The following KLHL1 variants were observed in gnomAD, a reference collection of about 807,000 sequenced individuals.
The protein encoded by KLHL1 is kelch like family member 1.
A neutral mutation model predicts 77.7 loss-of-function variants in KLHL1; 47 were observed. That is an observed-to-expected ratio of 0.60 (90% confidence interval 0.48 to 0.77). The LOEUF (loss-of-function observed/expected upper bound fraction) is 0.77, where lower values mean the gene tolerates loss of function less well. KLHL1 is among the 30% of genes least tolerant of loss of function. The pLI, the probability that KLHL1 is intolerant of heterozygous loss-of-function variation, is 0.00. For synonymous variants in KLHL1, 360 were observed against 325.2 expected, an observed-to-expected ratio of 1.11 and a Z score of -1.15; for missense variants, 925 against 910.8, an observed-to-expected ratio of 1.02 and a Z score of -0.20.
chr13:69,910,487 A>G (rs900134288), intron 4 of KLHL1, among the ~76,000 whole-genome samples: 1 of 152,074 alleles, frequency 6.6e-6, no homozygotes, highest in African/African-American at 2.4e-5. Context: ...ACGGCCATCA[A>G]AATTATTTAT....
intron 1 of KLHL1, among the ~76,000 whole-genome samples, chr13:70,067,680 C>T (rs1887042429): frequency 6.6e-6 from 1 of 152,036 alleles, no homozygotes; most frequent in African/African-American, 2.4e-5. Context: ...CTTGATGTGG[C>T]TTTGAATTCC....
chr13:69,716,009 T>G (rs1344221091), intron 9 of KLHL1, among the ~76,000 whole-genome samples: 1 of 152,160 alleles, frequency 6.6e-6, no homozygotes, highest in Non-Finnish European at 1.5e-5. Context: ...TCTGCCAAGA[T>G]GAGGCAAATG....
chr13:70,032,944 G>A (rs1282872591), intron 1 of KLHL1, among the ~76,000 whole-genome samples: 1 of 152,028 alleles, frequency 6.6e-6, no homozygotes, highest in Non-Finnish European at 1.5e-5. Context: ...GTCAATTGCA[G>A]CTCTTAGTTT....
chr13:69,735,197 C>T (rs1388324082), intron 8 of KLHL1, among the ~76,000 whole-genome samples: 1 of 151,650 alleles, frequency 6.6e-6, no homozygotes, highest in Non-Finnish European at 1.5e-5. Flanking sequence ...ATAAAATTTC[C>T]ACTATGGAAG....
At chr13:69,709,808 T>C (rs1263148713) in intron 9 of KLHL1, among the ~76,000 whole-genome samples, 1 of 151,888 alleles carries the variant, frequency 6.6e-6, no homozygotes, top group East Asian at 1.9e-4. Flanking sequence ...TTGTGATCGT[T>C]GTTGAAGCAG....
At chr13:69,789,724 A>G (rs1482359226) in intron 7 of KLHL1, among the ~76,000 whole-genome samples, 1 of 152,164 alleles carries the variant, frequency 6.6e-6, no homozygotes, top group East Asian at 1.9e-4. Flanking sequence ...ATTGATGACA[A>G]TAAGTTGAGC....
intron 7 of KLHL1, among the ~76,000 whole-genome samples, chr13:69,782,859 C>T (rs973468382): frequency 3.3e-5 from 5 of 152,330 alleles, no homozygotes; most frequent in South Asian, 4.1e-4. Context: ...GAGCAGACTG[C>T]CTCCTCAAGT....
chr13:69,719,332 T>C, intron 9 of KLHL1, 37 bp downstream of exon 9: 4 of 1,574,862 alleles, frequency 2.5e-6, no homozygotes, highest in Non-Finnish European at 3.5e-6. Flanking sequence ...TGATTTGCAC[T>C]GTCTCTTTCG....
intron 6 of KLHL1, among the ~76,000 whole-genome samples, chr13:69,807,697 G>A (rs760970618): frequency 1.3e-5 from 2 of 152,166 alleles, no homozygotes; most frequent in Admixed American, 1.3e-4. Flanking sequence ...CTCTGGAATG[G>A]GGAGAAGGAC....
chr13:70,028,371 T>C (rs1886009823), intron 1 of KLHL1, among the ~76,000 whole-genome samples: 1 of 152,108 alleles, frequency 6.6e-6, no homozygotes, highest in Non-Finnish European at 1.5e-5. Flanking sequence ...AGGTATGTCT[T>C]GAAGTTAATT....
intron 6 of KLHL1, among the ~76,000 whole-genome samples, chr13:69,824,167 AATAC>A (rs1449827577): frequency 6.6e-6 from 1 of 152,080 alleles, no homozygotes; most frequent in East Asian, 1.9e-4. Context: ...ATTAAATAAA[AATAC>A]ATCCTATAAT....
intron 4 of KLHL1, among the ~76,000 whole-genome samples, chr13:69,902,499 G>A (rs1358101374): frequency 6.6e-6 from 1 of 152,090 alleles, no homozygotes; most frequent in Non-Finnish European, 1.5e-5. Flanking sequence ...AATAATTTTG[G>A]AGAACTACAG....
intron 6 of KLHL1, among the ~76,000 whole-genome samples, chr13:69,826,604 C>A (rs2138087988): frequency 6.7e-6 from 1 of 148,958 alleles, no homozygotes; most frequent in South Asian, 2.1e-4. Flanking sequence ...GAAAGAAATG[C>A]TGAGAGTAGA....
intron 1 of KLHL1, among the ~76,000 whole-genome samples, chr13:69,987,625 G>T (rs568861916): frequency 6.6e-6 from 1 of 151,830 alleles, no homozygotes; most frequent in African/African-American, 2.4e-5. Context: ...AGGAAAGAAG[G>T]ACTACTAAAG....
rs151067708 is a variant in KLHL1 at position 69,741,126 on chromosome 13, A to C, written c.1640-570T>G. Reference sequence around the variant, plus strand: ...ACTTATGTAAAGCTTAGAAAATATGACATCTTTCATATTATTAGCTAAAAT... The same window carrying C: ...ACTTATGTAAAGCTTAGAAAATATGCCATCTTTCATATTATTAGCTAAAAT... On this transcript the variant is annotated intron_variant, in intron 7 of 10. Transcript: ENST00000377844. Among the ~76,000 whole-genome samples, 821 of 152,290 alleles carry C rather than the reference A, an allele frequency of 5.4e-3. 7 individuals are homozygous for C. Among genetic ancestry groups the C allele is most frequent in the African/African-American group, 0.019 (781 of 41,572 alleles).
At position 69,796,936 on chromosome 13, in the gene KLHL1, GATC is replaced by G; in HGVS notation, c.1438_1440del (p.Asp480del). On this transcript the variant is annotated inframe_deletion, in exon 7 of 11. Transcript: ENST00000377844. ...GCCTGGATCCACAGATTTGTTCTCA[GATC>G]ATATTTCTCTATAGTTGTAGCTCCT... The G allele has an allele frequency of 6.2e-7, 1 of 1,614,032 alleles. No homozygotes were observed. Among genetic ancestry groups the G allele is most frequent in the Non-Finnish European group, 8.5e-7 (1 of 1,179,944 alleles).
chr13:70,086,773 A>T (rs1427725781), intron 1 of KLHL1, among the ~76,000 whole-genome samples: 2 of 150,376 alleles, frequency 1.3e-5, no homozygotes, highest in Non-Finnish European at 3.0e-5. Context: ...CTACAGTGTG[A>T]TGAGTAGTAT....
At chr13:69,747,592 G>T (rs1874271737) in intron 7 of KLHL1, among the ~76,000 whole-genome samples, 1 of 151,816 alleles carries the variant, frequency 6.6e-6, no homozygotes, top group Non-Finnish European at 1.5e-5. Flanking sequence ...ATATAAAAAG[G>T]AAATTCATGA....
intron 5 of KLHL1, among the ~76,000 whole-genome samples, chr13:69,861,723 G>A (rs1374183938): frequency 6.8e-6 from 1 of 148,002 alleles, no homozygotes; most frequent in Non-Finnish European, 1.5e-5. Context: ...TGTTCAGGGT[G>A]GATCACCTGA....
Sources: gnomAD v4.1 joint callset for allele counts (sites outside exome capture counted in the v4.1 genomes callset) on GRCh38, gnomAD v4.1.1 for gene constraint, MANE v1.5 for transcripts, NCBI Gene and HGNC (gene_info 2026-07-23, HGNC 2026-07-21) for gene names.